MACROD2: variants seen among roughly 807,000 people sequenced by gnomAD.
The protein encoded by MACROD2 is mono-ADP ribosylhydrolase 2, also known as ADP-ribose glycohydrolase MACROD2.
A neutral mutation model predicts 70.4 loss-of-function variants in MACROD2; 36 were observed. The ratio of observed to expected loss-of-function variants is 0.51; its 90% CI spans 0.39 to 0.68. MACROD2 has a LOEUF of 0.68. Among genes scored for constraint, MACROD2 ranks in the 30% least tolerant of loss-of-function variants. The pLI is 0.00. For missense variants in MACROD2, 496 were observed against 538.4 expected (o/e 0.92, Z 0.78); for synonymous variants, 172 against 178.8 (o/e 0.96, Z 0.30).
intron 8 of MACROD2, among the ~76,000 whole-genome samples, chr20:15,693,393 C>A (rs2050323199): frequency 6.6e-6 from 1 of 152,088 alleles, no homozygotes; most frequent in African/African-American, 2.4e-5. Flanking sequence ...TTGCTGTTTG[C>A]TACCTGTGGA....
rs963824176 is a variant in MACROD2, at chr20:15,111,670, T to C, written c.419-118270T>C. Among the ~76,000 whole-genome samples, 10 of 152,334 alleles carry C rather than the reference T, an allele frequency of 6.6e-5. No homozygotes were observed. In the East Asian group the frequency reaches 1.5e-3, roughly 24 times the overall value. ...CAGTTTCCATTTTCATTATGCACTT[T>C]GGAAGATGCCAGAGAAATTAGGTGG... On this transcript the variant is annotated intron_variant, in intron 5 of 17. Coordinates refer to ENST00000684519, the MANE Select transcript of MACROD2 (RefSeq NM_001351661.2).
chr20:14,561,141 G>A (rs536508129), intron 4 of MACROD2, among the ~76,000 whole-genome samples: 3 of 151,832 alleles, frequency 2.0e-5, no homozygotes, highest in African/African-American at 7.2e-5. Flanking sequence ...TGGAGAATTC[G>A]TAATACTGCA....
intron 5 of MACROD2, among the ~76,000 whole-genome samples, chr20:14,752,330 C>T (rs967685836): frequency 3.3e-5 from 5 of 152,044 alleles, no homozygotes; most frequent in East Asian, 1.9e-4. Context: ...CAGACTTCTT[C>T]AGTGCTCCCT....
At chr20:14,835,128 T>G (rs2073015038) in intron 5 of MACROD2, among the ~76,000 whole-genome samples, 1 of 152,042 alleles carries the variant, frequency 6.6e-6, no homozygotes. Flanking sequence ...TAACAACCTT[T>G]TTTTCCAAAA....
At chr20:15,754,721 C>T (rs2146987027) in intron 8 of MACROD2, among the ~76,000 whole-genome samples, 1 of 147,716 alleles carries the variant, frequency 6.8e-6, no homozygotes, top group African/African-American at 2.5e-5. Flanking sequence ...CTAAACAGAA[C>T]CCATCTCAGT....
chr20:14,785,410 C>A (rs1184116563), intron 5 of MACROD2, among the ~76,000 whole-genome samples: 2 of 151,226 alleles, frequency 1.3e-5, no homozygotes, highest in African/African-American at 4.9e-5. Flanking sequence ...GGGATGATAA[C>A]CAGAAAAAAT....
At chr20:15,421,392 A>G (rs2046226243) in intron 6 of MACROD2, among the ~76,000 whole-genome samples, 1 of 151,990 alleles carries the variant, frequency 6.6e-6, no homozygotes, top group Non-Finnish European at 1.5e-5. Context: ...ACCAAAACAA[A>G]ACAAAAAGAA....
At chr20:15,014,753 C>T (rs1719503354) in intron 5 of MACROD2, among the ~76,000 whole-genome samples, 1 of 152,060 alleles carries the variant, frequency 6.6e-6, no homozygotes, top group Admixed American at 6.6e-5. Context: ...TTGTAAAAAA[C>T]AGAAATCTAA....
At chr20:15,099,718 T>C (rs1238141065) in intron 5 of MACROD2, among the ~76,000 whole-genome samples, 1 of 152,180 alleles carries the variant, frequency 6.6e-6, no homozygotes, top group African/African-American at 2.4e-5. Flanking sequence ...AGATCCATTC[T>C]AGAAAAAGCT....
At chr20:15,037,680 ACT>A (rs199569451) in intron 5 of MACROD2, among the ~76,000 whole-genome samples, 2,402 of 148,410 alleles carry the variant, frequency 0.016, 33 homozygotes, top group Non-Finnish European at 0.025. Flanking sequence ...TTTAACTTTA[ACT>A]CTTTTTTTTT....
At chr20:15,588,660 C>A (rs1057262484) in intron 8 of MACROD2, among the ~76,000 whole-genome samples, 2 of 152,160 alleles carry the variant, frequency 1.3e-5, no homozygotes, top group Admixed American at 6.5e-5. Flanking sequence ...CAAAGTACCA[C>A]AAATTTCTAG....
intron 6 of MACROD2, among the ~76,000 whole-genome samples, chr20:15,416,634 G>T (rs1370577110): frequency 6.6e-6 from 1 of 152,182 alleles, no homozygotes; most frequent in Non-Finnish European, 1.5e-5. Context: ...GCTGGGCAAG[G>T]TGGCTCACGC....
chr20:15,146,057 AT>A (rs1442985833), intron 5 of MACROD2, among the ~76,000 whole-genome samples: 2 of 152,142 alleles, frequency 1.3e-5, no homozygotes, highest in Non-Finnish European at 2.9e-5. Context: ...TATTTGTTAC[AT>A]TTATTCCCAA....
At chr20:14,645,406 G>A (rs1985331984) in intron 4 of MACROD2, among the ~76,000 whole-genome samples, 1 of 151,802 alleles carries the variant, frequency 6.6e-6, no homozygotes. Flanking sequence ...TCTATATCTA[G>A]TTTTAGAAAA....
At chr20:14,703,176 T>C (rs942500284) in intron 5 of MACROD2, among the ~76,000 whole-genome samples, 2 of 152,182 alleles carry the variant, frequency 1.3e-5, no homozygotes, top group African/African-American at 4.8e-5. Flanking sequence ...TATTTTCCTG[T>C]TATAAACAAT....
chr20:14,991,436 T>A (rs2074903049), intron 5 of MACROD2, among the ~76,000 whole-genome samples: 1 of 152,170 alleles, frequency 6.6e-6, no homozygotes, highest in Admixed American at 6.5e-5. Context: ...GCACTGAATA[T>A]CCTTAGCCCT....
intron 3 of MACROD2, among the ~76,000 whole-genome samples, chr20:14,195,875 C>G (rs1397502976): frequency 3.3e-5 from 5 of 152,124 alleles, no homozygotes; most frequent in Admixed American, 3.3e-4. Flanking sequence ...AGGTGTGATC[C>G]GATTCTTCCA....
intron 3 of MACROD2, among the ~76,000 whole-genome samples, chr20:14,462,487 C>G (rs1239125765): frequency 1.3e-5 from 2 of 151,910 alleles, no homozygotes; most frequent in Non-Finnish European, 2.9e-5. Context: ...TGTAGGTTGC[C>G]TGTTCACTCT....
chr20:14,419,968 A>C (rs950572580), intron 3 of MACROD2, among the ~76,000 whole-genome samples: 3 of 152,006 alleles, frequency 2.0e-5, no homozygotes, highest in East Asian at 1.9e-4. Flanking sequence ...TTGTTTCCAA[A>C]ATTTGCTATT....
Sources: gnomAD v4.1 joint callset for allele counts (sites outside exome capture counted in the v4.1 genomes callset) on GRCh38, gnomAD v4.1.1 for gene constraint, MANE v1.5 for transcripts, NCBI Gene and HGNC (gene_info 2026-07-23, HGNC 2026-07-21) for gene names.